Variants in WWC2 observed in about 807,000 individuals in gnomAD.
WWC2 encodes protein WWC2.
A neutral mutation model predicts 138.5 loss-of-function variants in WWC2; 101 were observed. The observed-to-expected ratio is 0.73, with a 90% confidence interval of 0.62 to 0.86. The LOEUF (loss-of-function observed/expected upper bound fraction) is 0.86, where lower values mean the gene tolerates loss of function less well. Ranked by LOEUF, WWC2 falls within the 40% of genes least tolerant of loss-of-function variation. The probability of loss-of-function intolerance (pLI) is 0.00; values close to 1 mark genes in which losing one functional copy is unlikely to be tolerated. For missense variants in WWC2, 1,420 were observed against 1,419.4 expected (o/e 1.00, Z -0.01); for synonymous variants, 558 against 538.4 (o/e 1.04, Z -0.50).
chr4:183,300,649 A>G (rs931091626), intron 21 of WWC2, among the ~76,000 whole-genome samples: 5 of 152,140 alleles, frequency 3.3e-5, no homozygotes, highest in Non-Finnish European at 7.3e-5. Flanking sequence ...ATAGGTATAG[A>G]TACAGATATA....
intron 8 of WWC2, among the ~76,000 whole-genome samples, chr4:183,250,818 G>A (rs1736956453): frequency 6.6e-6 from 1 of 152,030 alleles, no homozygotes; most frequent in African/African-American, 2.4e-5. Context: ...AATTTATCAT[G>A]TTTCTCCCCA....
At chr4:183,230,278 CT>C (rs1391105030) in intron 4 of WWC2, among the ~76,000 whole-genome samples, 1 of 151,986 alleles carries the variant, frequency 6.6e-6, no homozygotes, top group Admixed American at 6.6e-5. Flanking sequence ...AAACTTAAAG[CT>C]TTAAATGCTT....
intron 4 of WWC2, among the ~76,000 whole-genome samples, chr4:183,216,202 G>GT (rs1560847756): frequency 6.6e-6 from 1 of 152,140 alleles, no homozygotes. Flanking sequence ...TTGTACATAC[G>GT]TTTTGCAATC....
chr4:183,164,284 ATATATATAT>A (rs1252314937), intron 1 of WWC2, among the ~76,000 whole-genome samples: 11 of 314 alleles, frequency 0.035, 1 homozygote, highest in East Asian at 0.25. Flanking sequence ...ATATATATAT[ATATATATAT>A]ATATATACAT....
chr4:183,289,763 A>G (rs1469021191), intron 21 of WWC2, 128 bp downstream of exon 21: 1 of 1,419,752 alleles, frequency 7.0e-7, no homozygotes, highest in Non-Finnish European at 9.3e-7. Flanking sequence ...ACAGCTTGGA[A>G]CATATTTTTC....
chr4:183,164,386 TTATATATAC>T (rs1465757990), intron 1 of WWC2, among the ~76,000 whole-genome samples: 54 of 764 alleles, frequency 0.071, 2 homozygotes, highest in African/African-American at 0.17. Flanking sequence ...CATATATATA[TTATATATAC>T]ATATATATTA....
At chr4:183,167,417 A>G (rs1187965574) in intron 1 of WWC2, among the ~76,000 whole-genome samples, 6 of 152,130 alleles carry the variant, frequency 3.9e-5, no homozygotes, top group Admixed American at 3.9e-4. Flanking sequence ...GATTTAAGGG[A>G]GAGAGAGGTT....
intron 8 of WWC2, among the ~76,000 whole-genome samples, chr4:183,253,086 G>A (rs1022282788): frequency 6.6e-6 from 1 of 152,124 alleles, no homozygotes; most frequent in African/African-American, 2.4e-5. Flanking sequence ...TCGCTATGTT[G>A]CCCAGGCTGG....
intron 1 of WWC2, among the ~76,000 whole-genome samples, chr4:183,139,804 T>G (rs1364750468): frequency 1.4e-5 from 2 of 146,698 alleles, no homozygotes; most frequent in Non-Finnish European, 2.9e-5. Context: ...AGGGAATTGG[T>G]TTTTGTTTTT....
intron 16 of WWC2, among the ~76,000 whole-genome samples, chr4:183,272,746 A>G (rs1454422551): frequency 6.6e-6 from 1 of 152,232 alleles, no homozygotes; most frequent in Non-Finnish European, 1.5e-5. Context: ...CACTTAGCAT[A>G]ATATTTTCAA....
intron 1 of WWC2, among the ~76,000 whole-genome samples, chr4:183,192,807 G>A (rs1250829817): frequency 6.6e-5 from 10 of 152,042 alleles, no homozygotes; most frequent in South Asian, 6.2e-4. Flanking sequence ...GCCCATGGCC[G>A]CTCCAGTAGC....
intron 1 of WWC2, among the ~76,000 whole-genome samples, chr4:183,187,492 G>A (rs535752834): frequency 7.3e-5 from 11 of 151,178 alleles, no homozygotes; most frequent in Admixed American, 7.3e-4. Flanking sequence ...GGCGGAGGTT[G>A]CAATGAGCCG....
intron 1 of WWC2, among the ~76,000 whole-genome samples, chr4:183,111,920 A>G (rs545993923): frequency 1.3e-5 from 2 of 151,366 alleles, no homozygotes; most frequent in African/African-American, 2.4e-5. Context: ...CTGGTCTCCA[A>G]CTCCTGGCCT....
In WWC2 at chr4:183,196,640, C is replaced by G. The variant is rs549903661; in HGVS notation, c.241+2932C>G. ...CTTGCACCGGCCTCTCCTTTTTCAT[C>G]TCCTGCCCTGCCTGGCACTGGAGGC... On this transcript the variant is annotated intron_variant, in intron 2 of 22. Transcript: ENST00000403733. Among the ~76,000 whole-genome samples the G allele has an allele frequency of 2.3e-4, 35 of 152,322 alleles. No individual in the cohort carries two copies. The South Asian group carries it at 7.2e-3, about 32-fold the overall frequency.
chr4:183,143,467 A>G (rs1733362594), intron 1 of WWC2, among the ~76,000 whole-genome samples: 1 of 152,234 alleles, frequency 6.6e-6, no homozygotes, highest in Non-Finnish European at 1.5e-5. Context: ...GAAACGTGCT[A>G]TAAAGTAGTG....
intron 16 of WWC2, among the ~76,000 whole-genome samples, chr4:183,278,874 T>C (rs1418902146): frequency 6.6e-6 from 1 of 150,964 alleles, no homozygotes; most frequent in Non-Finnish European, 1.5e-5. Context: ...TAAGGAGGTT[T>C]TGGGCTGAGA....
chr4:183,104,021 G>A (rs562818206), intron 1 of WWC2, among the ~76,000 whole-genome samples: 6 of 151,270 alleles, frequency 4.0e-5, no homozygotes, highest in Non-Finnish European at 7.4e-5. Flanking sequence ...GTGCAATGGC[G>A]CGATGTTGGC....
chr4:183,297,673 G>A lies in WWC2; in HGVS notation c.3384+8038G>A, dbSNP rs549033326. Among the ~76,000 whole-genome samples the A allele has an allele frequency of 1.8e-4, 28 of 152,306 alleles. 1 individual carries two copies. The South Asian group carries it at 5.8e-3, about 32-fold the overall frequency. On this transcript the variant is annotated intron_variant, in intron 21 of 22. Coordinates refer to ENST00000403733, the MANE Select transcript of WWC2 (RefSeq NM_024949.6). ...GATCTGCCCATCTTGGCCTCCCAAA[G>A]TGCTGGGATTACAGGCGTGAGCCAC...
At chr4:183,122,173 A>T (rs1732625637) in intron 1 of WWC2, among the ~76,000 whole-genome samples, 1 of 152,172 alleles carries the variant, frequency 6.6e-6, no homozygotes, top group African/African-American at 2.4e-5. Flanking sequence ...TGATTTATAA[A>T]TGTTATTTAT....
Sources: gnomAD v4.1 joint callset for allele counts (sites outside exome capture counted in the v4.1 genomes callset) on GRCh38, gnomAD v4.1.1 for gene constraint, MANE v1.5 for transcripts, NCBI Gene and HGNC (gene_info 2026-07-23, HGNC 2026-07-21) for gene names.